LMTK2: variants seen among roughly 807,000 people sequenced by gnomAD.
LMTK2 encodes the protein lemur tail kinase 2, also known as serine/threonine-protein kinase LMTK2.
In LMTK2, 37 loss-of-function variants were observed where a neutral mutation model predicts 127.5. The observed-to-expected ratio is 0.29, with a 90% CI of 0.22 to 0.38. LMTK2 has a LOEUF of 0.38. Ranked by LOEUF, LMTK2 falls within the 10% of genes least tolerant of loss-of-function variation. The pLI is 1.00. For synonymous variants in LMTK2, 819 were observed against 810.1 expected (o/e 1.01, Z -0.19); for missense variants, 1,694 against 1,920.3 (o/e 0.88, Z 2.20).
intron 4 of LMTK2, among the ~76,000 whole-genome samples, chr7:98,154,055 T>A (rs60264472): frequency 0.057 from 8,754 of 152,306 alleles, 678 homozygotes; most frequent in East Asian, 0.36. Flanking sequence ...TCTCTTTTTT[T>A]AAAAATCATT....
chr7:98,148,615 A>G (rs948560942), intron 3 of LMTK2, among the ~76,000 whole-genome samples: 8 of 152,158 alleles, frequency 5.3e-5, no homozygotes, highest in African/African-American at 1.9e-4. Flanking sequence ...TTACCTGTGA[A>G]TGGGCCAATT....
In LMTK2 at chr7:98,171,755, AAGG is replaced by A; in HGVS notation, c.791+86_791+88del. On this transcript the variant is annotated intron_variant, in intron 7 of 13. Coordinates refer to ENST00000297293, the MANE Select transcript of LMTK2 (RefSeq NM_014916.4). The surrounding 1 kb of genome is among the most constrained non-coding windows in gnomAD (Gnocchi z 5.1). ...AGAGGCTGCCGAGTTTGTGAAACTT[AAGG>A]AGGACAGGAGGTGGCAGAATGAACC... 1.4e-6 allele frequency: 2 copies of A among 1,432,688 alleles called. No homozygotes were observed. The allele number at this position is 1,432,688 out of a possible 1,614,324, so 88.7% of individuals were successfully genotyped here. A position where few individuals can be genotyped will look rare whatever the true frequency, so the allele number is the denominator to read the frequency against.
At chr7:98,110,118 A>G (rs1034744172) in intron 1 of LMTK2, among the ~76,000 whole-genome samples, 1 of 152,120 alleles carries the variant, frequency 6.6e-6, no homozygotes, top group Non-Finnish European at 1.5e-5. Context: ...TTGAAGCCTG[A>G]TCAGTCTATC....
chr7:98,157,092 C>A (rs1796935998), intron 5 of LMTK2, among the ~76,000 whole-genome samples: 1 of 151,892 alleles, frequency 6.6e-6, no homozygotes, highest in South Asian at 2.1e-4. Context: ...TAGAAAAAAT[C>A]AGAAAAATTA....
At chr7:98,134,145 A>G (rs1185125375) in intron 1 of LMTK2, among the ~76,000 whole-genome samples, 1 of 152,218 alleles carries the variant, frequency 6.6e-6, no homozygotes, top group Non-Finnish European at 1.5e-5. Flanking sequence ...ACCTGGGTTC[A>G]TGGGCATATC....
intron 1 of LMTK2, among the ~76,000 whole-genome samples, chr7:98,125,688 A>G (rs1796433650): frequency 6.6e-6 from 1 of 152,186 alleles, no homozygotes. Context: ...ATTTTTCTGT[A>G]TGACATAAAG....
chr7:98,191,004 G>A, intron 10 of LMTK2, 127 bp downstream of exon 10: 1 of 901,564 alleles, frequency 1.1e-6, no homozygotes, highest in South Asian at 1.6e-5. Flanking sequence ...GTCACCATGA[G>A]CTGAACTACT....
At chr7:98,116,726 A>G (rs1202971950) in intron 1 of LMTK2, among the ~76,000 whole-genome samples, 1 of 152,198 alleles carries the variant, frequency 6.6e-6, no homozygotes, top group Non-Finnish European at 1.5e-5. Context: ...ATATATTGCT[A>G]TTAAATAAGT....
At chr7:98,122,933 C>T (rs1796387130) in intron 1 of LMTK2, among the ~76,000 whole-genome samples, 1 of 152,040 alleles carries the variant, frequency 6.6e-6, no homozygotes, top group Non-Finnish European at 1.5e-5. Flanking sequence ...TTTGTCCCCT[C>T]CCTTAAATGT....
chr7:98,114,765 A>G (rs10280984), intron 1 of LMTK2, among the ~76,000 whole-genome samples: 150,760 of 152,292 alleles, frequency 0.99, 74,644 homozygotes, highest in Middle Eastern at 1. Flanking sequence ...AAAATATTCC[A>G]TGCAAATTCC....
chr7:98,112,009 C>T (rs2116314684), intron 1 of LMTK2, among the ~76,000 whole-genome samples: 1 of 152,296 alleles, frequency 6.6e-6, no homozygotes, highest in South Asian at 2.1e-4. Flanking sequence ...TGCATGTGAA[C>T]AGATGCTGAT....
intron 2 of LMTK2, among the ~76,000 whole-genome samples, chr7:98,140,917 C>T (rs1259677094): frequency 6.6e-6 from 1 of 151,288 alleles, no homozygotes; most frequent in Non-Finnish European, 1.5e-5. Context: ...ATTACCTGGG[C>T]GTGGTGATGC....
At chr7:98,182,955 C>T (rs1797376510) in intron 7 of LMTK2, among the ~76,000 whole-genome samples, 1 of 152,212 alleles carries the variant, frequency 6.6e-6, no homozygotes, top group South Asian at 2.1e-4. Flanking sequence ...ATTATACTCT[C>T]CCTTTGGAAT....
chr7:98,184,843 A>G (rs1458585491), intron 7 of LMTK2, among the ~76,000 whole-genome samples: 1 of 152,232 alleles, frequency 6.6e-6, no homozygotes, highest in Non-Finnish European at 1.5e-5. Context: ...TTACTTGCCT[A>G]AAAGTGTGAT....
At chr7:98,204,302 G>C in intron 13 of LMTK2, 116 bp downstream of exon 13, 1 of 1,358,000 alleles carries the variant, frequency 7.4e-7, no homozygotes, top group Non-Finnish European at 1.0e-6. Flanking sequence ...CATTTGCTGA[G>C]TAGATTACAA....
At position 98,205,461 on chromosome 7, in the gene LMTK2, C is replaced by T; in HGVS notation, c.4484-3C>T. 6 of 1,613,718 alleles carry T rather than the reference C, an allele frequency of 3.7e-6. No individual in the cohort carries two copies. Among genetic ancestry groups the T allele is most frequent in the Non-Finnish European group, 5.1e-6 (6 of 1,180,036 alleles). On this transcript the variant is annotated splice_region_variant and splice_polypyrimidine_tract_variant and intron_variant, in intron 13 of 13. Coordinates refer to ENST00000297293, the MANE Select transcript of LMTK2 (RefSeq NM_014916.4). The stretch of plus-strand genomic sequence containing the variant: ...GTCGTCTCGCTTCCTCTCTCCTCAA[C>T]AGGAAGCAGCGAAGACGGAGAAAAG...
intron 9 of LMTK2, among the ~76,000 whole-genome samples, chr7:98,189,186 C>T (rs183775454): frequency 1.2e-4 from 19 of 152,238 alleles, no homozygotes; most frequent in African/African-American, 4.3e-4. Flanking sequence ...ACTGTAGTGT[C>T]CACGGTGAGC....
At position 98,194,345 on chromosome 7, in the gene LMTK2, T is replaced by G. The variant is rs1480058708; in HGVS notation, c.3880T>G (p.Ser1294Ala). Residue 1294 changes from serine (S) to alanine (A), a missense_variant, in exon 11 of 14, where the codon TCG becomes GCG. Coordinates refer to ENST00000297293, the MANE Select transcript of LMTK2 (RefSeq NM_014916.4). This position sits in a 1 kb window ranked among gnomAD's most constrained non-coding sequence, Gnocchi z 5.4. ...CGAGGAGGACGAAAACAGCGACGACTCGGACGAGGACCTGCGGGCCTTCAA... is the reference window on the plus strand; with the variant it reads ...CGAGGAGGACGAAAACAGCGACGACGCGGACGAGGACCTGCGGGCCTTCAA... The part of the protein sequence containing the change: ...ADEEDENSDD[S>A]DEDLRAFNLH... The G allele has an allele frequency of 1.2e-6, 2 of 1,614,048 alleles. No individual in the cohort carries two copies. Among genetic ancestry groups the G allele is most frequent in the East Asian group, 2.2e-5 (1 of 44,870 alleles).
At chr7:98,112,307 C>T (rs1305410363) in intron 1 of LMTK2, among the ~76,000 whole-genome samples, 2 of 152,298 alleles carry the variant, frequency 1.3e-5, no homozygotes, top group African/African-American at 4.8e-5. Flanking sequence ...AAGAGATCCT[C>T]CCATTTCAGC....
Sources: allele counts gnomAD v4.1 joint callset (sites outside exome capture counted in the v4.1 genomes callset), GRCh38; gene constraint gnomAD v4.1.1; non-coding constraint Gnocchi (gnomAD v3.1); transcripts MANE v1.5; gene names NCBI Gene and HGNC (gene_info 2026-07-23, HGNC 2026-07-21).